WDPCP: variants seen among roughly 807,000 people sequenced by gnomAD.
WDPCP encodes WD repeat-containing and planar cell polarity effector protein fritz homolog.
Under a neutral mutation model 93.1 loss-of-function variants are expected in WDPCP, and 71 were observed. That is an observed-to-expected ratio of 0.76 (90% confidence interval 0.63 to 0.93). The LOEUF is 0.93. Ranked by LOEUF, WDPCP falls within the 40% of genes least tolerant of loss-of-function variation. WDPCP has a pLI of 0.00. For synonymous variants in WDPCP, 315 were observed against 315.0 expected (o/e 1.00, Z 0.00); for missense variants, 844 against 887.4 (o/e 0.95, Z 0.62).
chr2:63,436,482 C>T (rs566983774), intron 8 of WDPCP, among the ~76,000 whole-genome samples: 4 of 152,176 alleles, frequency 2.6e-5, no homozygotes, highest in African/African-American at 9.6e-5. Flanking sequence ...TCCCAAAGGG[C>T]AAAAGGTTAG....
chr2:63,337,368 T>C (rs567065160), intron 12 of WDPCP, among the ~76,000 whole-genome samples: 1 of 152,354 alleles, frequency 6.6e-6, no homozygotes, highest in South Asian at 2.1e-4. Flanking sequence ...ATACCACATT[T>C]TCTTTATCCA....
At chr2:63,734,589 T>C (rs1344478543) in intron 2 of WDPCP, among the ~76,000 whole-genome samples, 1 of 152,196 alleles carries the variant, frequency 6.6e-6, no homozygotes, top group East Asian at 1.9e-4. Context: ...AAAACTTGTA[T>C]GTTCCATCTA....
At chr2:63,138,609 C>T (rs192164559) in intron 17 of WDPCP, among the ~76,000 whole-genome samples, 4 of 152,032 alleles carry the variant, frequency 2.6e-5, no homozygotes, top group South Asian at 2.1e-4. Context: ...CCCGTCACCT[C>T]GCCCGGCTAA....
chr2:63,822,366 T>A (rs1359393455), intron 1 of WDPCP, among the ~76,000 whole-genome samples: 1 of 152,168 alleles, frequency 6.6e-6, no homozygotes, highest in African/African-American at 2.4e-5. Context: ...TGTTACCTAT[T>A]TATTATGACA....
chr2:63,362,274 T>TTTTGTTTG (rs764194233), intron 12 of WDPCP, among the ~76,000 whole-genome samples: 4 of 58,050 alleles, frequency 6.9e-5, no homozygotes, highest in African/African-American at 9.7e-5. Flanking sequence ...TTTTTTTTTT[T>TTTTGTTTG]GGTTGTGTGT....
intron 15 of WDPCP, among the ~76,000 whole-genome samples, chr2:63,154,369 G>A (rs765282060): frequency 6.6e-6 from 1 of 151,952 alleles, no homozygotes; most frequent in Non-Finnish European, 1.5e-5. Context: ...CTATAGTTTT[G>A]ACTTCACGAA....
chr2:63,665,738 T>C (rs1351651903), intron 2 of WDPCP, among the ~76,000 whole-genome samples: 1 of 152,210 alleles, frequency 6.6e-6, no homozygotes, highest in Admixed American at 6.5e-5. Flanking sequence ...AGCATGGTGC[T>C]GGTACACATA....
At chr2:63,809,038 C>T (rs1235944085) in intron 2 of WDPCP, among the ~76,000 whole-genome samples, 4 of 151,974 alleles carry the variant, frequency 2.6e-5, no homozygotes, top group Non-Finnish European at 5.9e-5. Flanking sequence ...GCCGGGACCC[C>T]GTCTGGGAGG....
At position 63,487,441 on chromosome 2, in the gene WDPCP, C is replaced by T. The variant is rs775227440; in HGVS notation, c.208+6G>A. Reference sequence around the variant, plus strand: ...AAAAATTAATTGCACAGAATAGGTACTTTACCTGGTGGATCTTTCTTGTCA... The same window carrying T: ...AAAAATTAATTGCACAGAATAGGTATTTTACCTGGTGGATCTTTCTTGTCA... On this transcript the variant is annotated splice_donor_region_variant and intron_variant, in intron 3 of 17. Transcript: ENST00000272321. 2 of 1,585,398 alleles carry T rather than the reference C, an allele frequency of 1.3e-6. No individual in the cohort carries two copies. Among genetic ancestry groups the T allele is most frequent in the Middle Eastern group, 1.9e-4 (1 of 5,326 alleles).
intron 3 of WDPCP, among the ~76,000 whole-genome samples, chr2:63,649,715 G>C (rs1341884290): frequency 6.6e-6 from 1 of 152,090 alleles, no homozygotes; most frequent in Non-Finnish European, 1.5e-5. Context: ...CTATTAACTT[G>C]TTTTGCTTTT....
At chr2:63,157,305 T>C (rs1004798413) in intron 15 of WDPCP, among the ~76,000 whole-genome samples, 13 of 152,180 alleles carry the variant, frequency 8.5e-5, no homozygotes, top group African/African-American at 3.1e-4. Flanking sequence ...CAGTAGTCTA[T>C]AGTTTTTTGT....
At chr2:63,692,974 A>C (rs1397079233) in intron 2 of WDPCP, among the ~76,000 whole-genome samples, 1 of 152,188 alleles carries the variant, frequency 6.6e-6, no homozygotes, top group Admixed American at 6.5e-5. Context: ...TAAAATGTAT[A>C]AATTCATTTA....
At chr2:63,611,168 C>A (rs991014352) in intron 3 of WDPCP, among the ~76,000 whole-genome samples, 1 of 152,178 alleles carries the variant, frequency 6.6e-6, no homozygotes, top group African/African-American at 2.4e-5. Flanking sequence ...ATGTAGTACT[C>A]TGTTGAATGG....
intron 2 of WDPCP, among the ~76,000 whole-genome samples, chr2:63,722,271 C>A (rs879427206): frequency 2.1e-5 from 3 of 145,824 alleles, no homozygotes; most frequent in African/African-American, 7.6e-5. Flanking sequence ...CGCCATCCCA[C>A]CTAGGAAGTG....
intron 2 of WDPCP, among the ~76,000 whole-genome samples, chr2:63,715,278 G>A (rs1478224963): frequency 6.6e-6 from 1 of 152,188 alleles, no homozygotes; most frequent in African/African-American, 2.4e-5. Flanking sequence ...TTCATTTTAT[G>A]TTATGCAAAT....
intron 6 of WDPCP, among the ~76,000 whole-genome samples, chr2:63,465,995 C>T (rs1005444169): frequency 6.6e-6 from 1 of 151,994 alleles, no homozygotes; most frequent in Non-Finnish European, 1.5e-5. Flanking sequence ...ACCCAGGGTG[C>T]CTCTGTGCCT....
At chr2:63,518,288 G>A (rs67696856) in intron 1 of WDPCP, 29,405 of 152,488 alleles carry the variant, frequency 0.19, 3,040 homozygotes, top group Middle Eastern at 0.29. Flanking sequence ...ACTGGGAGTG[G>A]ACAGAGGGAA....
chr2:63,190,573 A>G (rs539765943), intron 14 of WDPCP, among the ~76,000 whole-genome samples: 1 of 152,184 alleles, frequency 6.6e-6, no homozygotes, highest in Admixed American at 6.5e-5. Flanking sequence ...AGTGGCAGCA[A>G]CTTAATATGG....
chr2:63,396,174 A>G (rs559986184), intron 10 of WDPCP, among the ~76,000 whole-genome samples: 125 of 152,344 alleles, frequency 8.2e-4, no homozygotes, highest in African/African-American at 3.0e-3. Context: ...ATGAGATCCA[A>G]TTTTAAGATG....
Sources: allele counts gnomAD v4.1 joint callset (sites outside exome capture counted in the v4.1 genomes callset), GRCh38; gene constraint gnomAD v4.1.1; transcripts MANE v1.5; gene names NCBI Gene and HGNC (gene_info 2026-07-23, HGNC 2026-07-21).